The following UNC13B variants were observed in gnomAD, a reference collection of about 807,000 sequenced individuals.
The protein encoded by UNC13B is protein unc-13 homolog B.
In UNC13B, 144 loss-of-function variants were observed where a neutral mutation model predicts 211.0. The observed-to-expected ratio is 0.68, with a 90% CI of 0.60 to 0.78. The LOEUF (loss-of-function observed/expected upper bound fraction) is 0.78, where lower values mean the gene tolerates loss of function less well. Ranked by LOEUF, UNC13B falls within the 30% of genes least tolerant of loss-of-function variation. UNC13B has a pLI of 0.00. For missense variants in UNC13B, 1,777 were observed against 2,002.0 expected (o/e 0.89, Z 2.14); for synonymous variants, 709 against 725.8 (o/e 0.98, Z 0.37).
At chr9:35,216,523 A>C (rs1824253576) in intron 1 of UNC13B, among the ~76,000 whole-genome samples, 1 of 152,152 alleles carries the variant, frequency 6.6e-6, no homozygotes, top group South Asian at 2.1e-4. Context: ...AAAGCCAAAA[A>C]CAGCCTTTTC....
At chr9:35,236,695 C>T (rs41276037) in intron 4 of UNC13B, 109 bp downstream of exon 4, 1 of 1,018,722 alleles carries the variant, frequency 9.8e-7, no homozygotes, top group Non-Finnish European at 1.5e-6. Flanking sequence ...TTATTCTTCC[C>T]CCTTTCTAAT....
At chr9:35,370,282 G>T in intron 12 of UNC13B, 36 bp from the exon 13 acceptor site, 1 of 1,602,714 alleles carries the variant, frequency 6.2e-7, no homozygotes, top group South Asian at 1.1e-5. Flanking sequence ...CTCAAAGCAA[G>T]ACTGACGGTC....
intron 11 of UNC13B, among the ~76,000 whole-genome samples, chr9:35,314,247 G>A (rs370687400): frequency 2.6e-5 from 4 of 152,110 alleles, no homozygotes; most frequent in African/African-American, 7.2e-5. Flanking sequence ...ACTGTTCATT[G>A]TCTCTTTGAA....
In UNC13B at chr9:35,382,513, TATC is replaced by T. The variant is rs752887871; in HGVS notation, c.10806+9_10806+11del. 25 of 1,609,072 alleles carry T rather than the reference TATC, an allele frequency of 1.6e-5. No individual in the cohort carries two copies. The highest frequency in any genetic ancestry group is 3.4e-5 in the Admixed American group (2 of 58,482). On this transcript the variant is annotated splice_region_variant and intron_variant, in intron 21 of 39. Coordinates refer to ENST00000635942, the MANE Select transcript of UNC13B (RefSeq NM_001371189.2). ...TTGCAGCCTCCAACTTTGGGGTAAGTATCATGTAAACACATATGTCTGCATTTG... is the reference window on the plus strand; with the variant it reads ...TTGCAGCCTCCAACTTTGGGGTAAGTATGTAAACACATATGTCTGCATTTG...
intron 7 of UNC13B, among the ~76,000 whole-genome samples, chr9:35,292,787 C>T (rs1829159406): frequency 6.6e-6 from 1 of 152,160 alleles, no homozygotes; most frequent in African/African-American, 2.4e-5. Flanking sequence ...TTACCAGGGG[C>T]TTTTCAACTG....
At chr9:35,223,285 G>A (rs1824659291) in intron 1 of UNC13B, among the ~76,000 whole-genome samples, 5 of 152,130 alleles carry the variant, frequency 3.3e-5, no homozygotes, top group Non-Finnish European at 7.4e-5. Flanking sequence ...TTTCCATAAG[G>A]GCTGTACTAA....
At chr9:35,320,736 T>C (rs1397987825) in intron 11 of UNC13B, among the ~76,000 whole-genome samples, 1 of 152,224 alleles carries the variant, frequency 6.6e-6, no homozygotes, top group Non-Finnish European at 1.5e-5. Context: ...ATGGAGTTAC[T>C]TGTTTACTGC....
chr9:35,386,038 C>G, intron 23 of UNC13B, 127 bp from the exon 24 acceptor site: 1 of 1,487,860 alleles, frequency 6.7e-7, no homozygotes, highest in Non-Finnish European at 9.0e-7. Flanking sequence ...GCAATTTCAT[C>G]ACAGGGAAAA....
chr9:35,260,036 T>TAAAA, intron 7 of UNC13B, among the ~76,000 whole-genome samples: 1 of 920 alleles, frequency 1.1e-3, no homozygotes, highest in Non-Finnish European at 4.1e-3. Context: ...ACCTCATTTC[T>TAAAA]ACAAAAAAAA....
chr9:35,329,551 G>A (rs1362592881), intron 11 of UNC13B, among the ~76,000 whole-genome samples: 2 of 151,208 alleles, frequency 1.3e-5, no homozygotes, highest in Non-Finnish European at 2.9e-5. Flanking sequence ...GCAGTGGTGC[G>A]ATCTTGGCTC....
At chr9:35,351,512 A>T in intron 11 of UNC13B, 1 of 1,232,246 alleles carries the variant, frequency 8.1e-7, no homozygotes, top group African/African-American at 1.5e-5. Flanking sequence ...AACCCCTCAA[A>T]CCCTGAGGGA....
At chr9:35,342,894 TGAGAGAGAGAGAAA>T (rs1376397684) in intron 11 of UNC13B, among the ~76,000 whole-genome samples, 2 of 152,014 alleles carry the variant, frequency 1.3e-5, no homozygotes, top group Non-Finnish European at 2.9e-5. Context: ...TGTGTATATG[TGAGAGAGAGAGAAA>T]GAGAGAGAGA....
In UNC13B at chr9:35,257,580, CAAAAAAAAAAA is replaced by C. The variant is rs1160474466; in HGVS notation, c.469-1393_469-1383del. On this transcript the variant is annotated intron_variant, in intron 6 of 39. Transcript: ENST00000635942. ...TGGGAGAAAGAGTGAGAATCTGTAT[CAAAAAAAAAAA>C]AAAAAAAAAAAAAAAAAAAGATGTT... Among the ~76,000 whole-genome samples, 15 of 36,390 alleles carry C rather than the reference CAAAAAAAAAAA, an allele frequency of 4.1e-4. 1 individual carries two copies. The South Asian group carries it at 7.8e-3, about 19-fold the overall frequency. 23.9% of individuals were successfully genotyped at this position (36,390 alleles called of 152,430 possible).
rs73645462 is a variant in UNC13B, at chr9:35,345,775, C to T, written c.9415-21172C>T. Among the ~76,000 whole-genome samples the T allele has an allele frequency of 2.9e-3, 436 of 152,302 alleles. 1 individual carries two copies. The highest frequency in any genetic ancestry group is 9.6e-3 in the African/African-American group (398 of 41,562). Reference sequence around the variant, plus strand: ...GAGCCCTGGGCAGGGCACAGAATAGCCTGCTCTCATGCCTGGCATTCAGTC... The same window carrying T: ...GAGCCCTGGGCAGGGCACAGAATAGTCTGCTCTCATGCCTGGCATTCAGTC... On this transcript the variant is annotated intron_variant, in intron 11 of 39. Coordinates refer to ENST00000635942, the MANE Select transcript of UNC13B (RefSeq NM_001371189.2).
chr9:35,300,688 T>C lies in UNC13B; in HGVS notation c.1284T>C (p.Asp428=). The change falls in exon 9 of 40, where the codon GAT becomes GAC. Residue 428 remains aspartate (D), a synonymous_variant. Transcript: ENST00000635942. ...SALPLQRMNC[D]AKTLGDLSEC... is the part of the protein sequence containing the mutation. Reference sequence around the variant, plus strand: ...TGCCATTACAAAGGATGAATTGTGATGCAAAAACACTTGGAGATCTGTCTG... The same window carrying C: ...TGCCATTACAAAGGATGAATTGTGACGCAAAAACACTTGGAGATCTGTCTG... 2.5e-6 allele frequency: 1 copy of C among 399,012 alleles called. No individual in the cohort carries two copies. Among genetic ancestry groups the C allele is most frequent in the African/African-American group, 2.1e-5 (1 of 48,774 alleles). The allele number at this position is 399,012 out of a possible 1,614,324, so 24.7% of individuals were successfully genotyped here.
At position 35,231,572 on chromosome 9, in the gene UNC13B, C is replaced by T. The variant is rs576928246; in HGVS notation, c.152+353C>T. Among the ~76,000 whole-genome samples, 10 of 152,236 alleles carry T rather than the reference C, an allele frequency of 6.6e-5. No individual in the cohort carries two copies. In the South Asian group the frequency reaches 2.1e-3, roughly 32 times the overall value. On this transcript the variant is annotated intron_variant, in intron 3 of 39. Transcript: ENST00000635942. Reference sequence around the variant, plus strand: ...AGACTTAGCATGACATTAAACATAACTTCATCTTTCTTTGATTCTGAGAAG... The same window carrying T: ...AGACTTAGCATGACATTAAACATAATTTCATCTTTCTTTGATTCTGAGAAG...
At chr9:35,174,093 A>G (rs1340477155) in intron 1 of UNC13B, among the ~76,000 whole-genome samples, 1 of 152,146 alleles carries the variant, frequency 6.6e-6, no homozygotes, top group Non-Finnish European at 1.5e-5. Context: ...GCTTTATGAT[A>G]TCTATTCATC....
At chr9:35,354,542 G>A (rs771558763) in intron 11 of UNC13B, among the ~76,000 whole-genome samples, 7 of 152,122 alleles carry the variant, frequency 4.6e-5, no homozygotes, top group Non-Finnish European at 7.3e-5. Context: ...CAAATGGAAT[G>A]TTTTTTGACT....
intron 6 of UNC13B, among the ~76,000 whole-genome samples, chr9:35,256,574 G>A (rs1210852328): frequency 2.0e-5 from 3 of 151,836 alleles, no homozygotes; most frequent in Admixed American, 2.0e-4. Flanking sequence ...ATCTTTTTCT[G>A]CATCTGTTTG....
Sources: gnomAD v4.1 joint callset for allele counts (sites outside exome capture counted in the v4.1 genomes callset) on GRCh38, gnomAD v4.1.1 for gene constraint, MANE v1.5 for transcripts, NCBI Gene and HGNC (gene_info 2026-07-23, HGNC 2026-07-21) for gene names.